Variants in CEP295 observed in about 807,000 individuals in gnomAD.
The protein encoded by CEP295 is centrosomal protein 295.
In CEP295, 190 loss-of-function variants were observed where a neutral mutation model predicts 291.6. The observed-to-expected ratio is 0.65, with a 90% CI of 0.58 to 0.73. The LOEUF is 0.73. Ranked by LOEUF, CEP295 falls within the 30% of genes least tolerant of loss-of-function variation. The pLI, the probability that CEP295 is intolerant of heterozygous loss-of-function variation, is 0.00. For synonymous variants in CEP295, 993 were observed against 1,038.8 expected (o/e 0.96, Z 0.85); for missense variants, 2,863 against 2,949.4 (o/e 0.97, Z 0.68).
At chr11:93,703,828 G>GC (rs1952341458) in intron 17 of CEP295, among the ~76,000 whole-genome samples, 2 of 149,570 alleles carry the variant, frequency 1.3e-5, no homozygotes, top group African/African-American at 4.9e-5. Flanking sequence ...GAGTGCAGTG[G>GC]CGCAATCTCG....
chr11:93,709,733 A>T (rs1380091529), intron 18 of CEP295, among the ~76,000 whole-genome samples: 4 of 152,130 alleles, frequency 2.6e-5, no homozygotes, highest in Non-Finnish European at 5.9e-5. Flanking sequence ...TGCTTTGGGT[A>T]GTATGGACAT....
Position 93,727,205 on chromosome 11 carries a change from T to C in CEP295, c.6729T>C (p.Asp2243=), listed in dbSNP as rs765888774. 4 of 1,551,500 alleles carry C rather than the reference T, an allele frequency of 2.6e-6. No homozygotes were observed. Among genetic ancestry groups the C allele is most frequent in the South Asian group, 1.2e-5 (1 of 84,008 alleles). The change falls in exon 24 of 30, where the codon GAT becomes GAC. Residue 2243 remains aspartate (D), a synonymous_variant. Coordinates refer to ENST00000325212, the MANE Select transcript of CEP295 (RefSeq NM_033395.2). The stretch of plus-strand genomic sequence containing the variant: ...TAAGTTCAGTCTACAGTTCATCTGA[T>C]GAAGCTAATGTATTTGATCAGTTAA... ...GNLSSVYSSS[D]EANVFDQLNV...
intron 18 of CEP295, among the ~76,000 whole-genome samples, chr11:93,714,932 T>C (rs1416729922): frequency 4.6e-5 from 7 of 152,116 alleles, no homozygotes; most frequent in Non-Finnish European, 5.9e-5. Context: ...TCTGAGACTG[T>C]GCTGTGTCAG....
intron 17 of CEP295, among the ~76,000 whole-genome samples, chr11:93,704,695 C>T (rs920065774): frequency 6.6e-6 from 1 of 152,076 alleles, no homozygotes; most frequent in African/African-American, 2.4e-5. Flanking sequence ...TTCAGATTTC[C>T]TTCTCATGAA....
chr11:93,698,852 C>G lies in CEP295; in HGVS notation c.3940C>G (p.Pro1314Ala). The change falls in exon 15 of 30, where the codon CCT (proline) becomes GCT (alanine). Residue 1314 changes from proline (P) to alanine (A), a missense_variant. This residue lies in a region of CEP295 where 2,295 missense variants were observed against 2,335.7 expected (regional missense o/e 0.98). Coordinates refer to ENST00000325212, the MANE Select transcript of CEP295 (RefSeq NM_033395.2). Reference protein sequence around the residue: ...ASAESGTILEPLFTESESKIF... With the variant: ...ASAESGTILEALFTESESKIF... ...AGCTGAGTCTGGCACAATCCTGGAACCTCTTTTTACAGAGAGTGAAAGTAA... is the reference window on the plus strand; with the variant it reads ...AGCTGAGTCTGGCACAATCCTGGAAGCTCTTTTTACAGAGAGTGAAAGTAA... 5 of 1,551,708 alleles carry G rather than the reference C, an allele frequency of 3.2e-6. No individual in the cohort carries two copies. The highest frequency in any genetic ancestry group is 4.4e-6 in the Non-Finnish European group (5 of 1,146,990).
Position 93,729,937 on chromosome 11 carries a change from T to C in CEP295, c.7635T>C (p.Thr2545=). 6.5e-7 allele frequency: 1 copy of C among 1,549,116 alleles called. No homozygotes were observed. The highest frequency in any genetic ancestry group is 1.4e-5 in the African/African-American group (1 of 72,836). ...CATCTTTTCCTGAAGACAGAAAGAC[T>C]ACACAGGCTCTAAGGCACCAAAGGG... ...VRASFPEDRK[T]TQALRHQRGL... is the part of the protein sequence containing the mutation. Residue 2545 remains threonine, a synonymous_variant, in exon 28 of 30, where the codon ACT becomes ACC. Transcript: ENST00000325212.
Position 93,697,631 on chromosome 11 carries a change from T to C in CEP295, c.2719T>C (p.Leu907=), listed in dbSNP as rs1056319331. The C allele has an allele frequency of 3.9e-6, 6 of 1,551,742 alleles. No homozygotes were observed. The Admixed American group carries it at 5.9e-5, about 15-fold the overall frequency. Residue 907 remains leucine, a synonymous_variant, in exon 15 of 30, where the codon TTG becomes CTG. Coordinates refer to ENST00000325212, the MANE Select transcript of CEP295 (RefSeq NM_033395.2). ...TTTATTGCCTTCTGCCAAAGCAGATTTGGGGAGAATCCAGGAATCTTCACC... is the reference window on the plus strand; with the variant it reads ...TTTATTGCCTTCTGCCAAAGCAGATCTGGGGAGAATCCAGGAATCTTCACC... The part of the protein sequence containing the change: ...SALLPSAKAD[L]GRIQESSPTK...
Position 93,697,489 on chromosome 11 carries a change from A to G in CEP295, c.2577A>G (p.Lys859=), listed in dbSNP as rs1252938793. Residue 859 remains lysine (K), a synonymous_variant, in exon 15 of 30, where the codon AAA becomes AAG. Coordinates refer to ENST00000325212, the MANE Select transcript of CEP295 (RefSeq NM_033395.2). The part of the protein sequence containing the change: ...ALQEQLDLQK[K]VLQATQEAQE... ...AAGAACAGTTAGACCTACAGAAGAA[A>G]GTTCTTCAGGCAACTCAGGAAGCTC... 94 of 1,551,862 alleles carry G rather than the reference A, an allele frequency of 6.1e-5. No homozygotes were observed. The highest frequency in any genetic ancestry group is 8.0e-5 in the Non-Finnish European group (92 of 1,147,036).
chr11:93,698,509 T>G lies in CEP295; in HGVS notation c.3597T>G (p.Ser1199=). ...TESELEKRIS[S]EQTGTSSSLS... ...GTGAATTGGAGAAAAGAATTTCTTC[T>G]GAACAGACTGGCACCTCCTCATCCC... The change falls in exon 15 of 30, where the codon TCT becomes TCG. Residue 1199 remains serine (S), a synonymous_variant. Coordinates refer to ENST00000325212, the MANE Select transcript of CEP295 (RefSeq NM_033395.2). 1 of 1,552,052 alleles carries G rather than the reference T, an allele frequency of 6.4e-7. No individual in the cohort carries two copies. The highest frequency in any genetic ancestry group is 8.7e-7 in the Non-Finnish European group (1 of 1,147,050).
chr11:93,697,141 A>G lies in CEP295; in HGVS notation c.2229A>G (p.Leu743=), dbSNP rs970343183. 18 of 1,551,808 alleles carry G rather than the reference A, an allele frequency of 1.2e-5. No homozygotes were observed. Among genetic ancestry groups the G allele is most frequent in the South Asian group, 1.2e-5 (1 of 84,072 alleles). The change falls in exon 15 of 30, where the codon CTA becomes CTG. Residue 743 remains leucine, a synonymous_variant. Transcript: ENST00000325212. ...GGGCTTTGTCACATGACAGGCAGCT[A>G]ATATCACAGGATGCTAGAAAAATAT... ...LSRALSHDRQ[L]ISQDARKISE...
At chr11:93,695,697 G>A (rs1951812503) in intron 13 of CEP295, 63 bp downstream of exon 13, 1 of 1,463,646 alleles carries the variant, frequency 6.8e-7, no homozygotes, top group South Asian at 1.4e-5. Context: ...GAAAATATGA[G>A]CACTTGTAGC....
intron 17 of CEP295, among the ~76,000 whole-genome samples, chr11:93,703,535 T>C (rs1327692087): frequency 1.3e-5 from 2 of 151,952 alleles, no homozygotes; most frequent in Non-Finnish European, 2.9e-5. Context: ...TTTCCTTTCA[T>C]GTCTGCCTTC....
At chr11:93,725,155 G>A (rs1480933052) in intron 22 of CEP295, among the ~76,000 whole-genome samples, 2 of 151,908 alleles carry the variant, frequency 1.3e-5, no homozygotes, top group Non-Finnish European at 2.9e-5. Context: ...TCGGGAGGCT[G>A]AGAACCGCTT....
In CEP295 at chr11:93,698,581, C is replaced by G; in HGVS notation, c.3669C>G (p.Ile1223Met). The G allele has an allele frequency of 6.4e-7, 1 of 1,552,072 alleles. No homozygotes were observed. Among genetic ancestry groups the G allele is most frequent in the African/African-American group, 1.4e-5 (1 of 73,154 alleles). The change falls in exon 15 of 30, where the codon ATC becomes ATG. Residue 1223 changes from isoleucine (I) to methionine (M), a missense_variant. Ile to Met is a conservative substitution (Grantham distance 10). Transcript: ENST00000325212. ...AGAGATTCCAGGAATGTATATCAATCAAGAGTGACAGTACCATTCCCTTAA... is the reference window on the plus strand; with the variant it reads ...AGAGATTCCAGGAATGTATATCAATGAAGAGTGACAGTACCATTCCCTTAA... ...ESERFQECIS[I>M]KSDSTIPLSH...
At chr11:93,666,540 G>A (rs1950214472) in intron 1 of CEP295, 142 bp from the exon 2 acceptor site, 5 of 475,724 alleles carry the variant, frequency 1.1e-5, no homozygotes, top group African/African-American at 5.8e-5. Context: ...GTTACAGTAA[G>A]CTGAGATCGC....
intron 1 of CEP295, among the ~76,000 whole-genome samples, chr11:93,665,462 A>G (rs1328380136): frequency 6.6e-6 from 1 of 152,144 alleles, no homozygotes; most frequent in East Asian, 1.9e-4. Flanking sequence ...AATCCCAGCA[A>G]CTGGGGAGGC....
At chr11:93,666,960 G>C in intron 2 of CEP295, 145 bp downstream of exon 2, 1 of 511,868 alleles carries the variant, frequency 2.0e-6, no homozygotes. Context: ...AACTAGTTTT[G>C]GAACACTTGA....
rs1476300306 is a variant in CEP295 at position 93,698,447 on chromosome 11, G to A, written c.3535G>A (p.Ala1179Thr). The A allele has an allele frequency of 1.3e-6, 2 of 1,551,892 alleles. No individual in the cohort carries two copies. The highest frequency in any genetic ancestry group is 2.4e-5 in the East Asian group (1 of 40,926). Residue 1179 changes from alanine (A) to threonine (T), a missense_variant, in exon 15 of 30, where the codon GCT (alanine) becomes ACT (threonine). Physicochemically the swap from Ala to Thr is moderately conservative, Grantham distance 58. Transcript: ENST00000325212. Reference sequence around the variant, plus strand: ...ACAAATACAAAGGGTAATACTTGGTGCTAAAGAAGGAACTCAGGAATTTGT... The same window carrying A: ...ACAAATACAAAGGGTAATACTTGGTACTAAAGAAGGAACTCAGGAATTTGT... ...QSQIQRVILG[A>T]KEGTQEFVHT...
intron 16 of CEP295, 35 bp downstream of exon 16, chr11:93,702,672 T>G: frequency 6.5e-7 from 1 of 1,529,222 alleles, no homozygotes; most frequent in Middle Eastern, 1.7e-4. Flanking sequence ...ATTATTTCAC[T>G]GATTATTCCT....
Sources: allele counts gnomAD v4.1 joint callset (sites outside exome capture counted in the v4.1 genomes callset), GRCh38; gene constraint gnomAD v4.1.1; regional missense constraint gnomAD v4.1.1; transcripts MANE v1.5; gene names NCBI Gene and HGNC (gene_info 2026-07-23, HGNC 2026-07-21).